DMD: variants seen among roughly 807,000 people sequenced by gnomAD.
The protein encoded by DMD is mutant dystrophin.
DMD carries 63 observed loss-of-function variants against 330.1 expected under a neutral mutation model. That is an observed-to-expected ratio of 0.19 (90% confidence interval 0.16 to 0.24). The LOEUF is 0.24. Among genes scored for constraint, DMD ranks in the 10% least tolerant of loss-of-function variants. The pLI is 1.00. For synonymous variants in DMD, 1,223 were observed against 959.8 expected, an observed-to-expected ratio of 1.27 and a Z score of -5.07; for missense variants, 3,344 against 2,684.1, an observed-to-expected ratio of 1.25 and a Z score of -5.43.
intron 37 of DMD, among the ~76,000 whole-genome samples, chrX:32,355,369 A>G (rs2097795449): frequency 9.0e-6 from 1 of 111,285 alleles, no homozygotes; most frequent in African/African-American, 3.3e-5. Context: ...ACAACCTCCT[A>G]TAAATATCTG....
intron 74 of DMD, among the ~76,000 whole-genome samples, chrX:31,162,897 G>A (rs765076572): frequency 9.2e-4 from 103 of 112,037 alleles, no homozygotes; most frequent in African/African-American, 3.2e-3. Flanking sequence ...GTTAGAAACT[G>A]AGTCTGTGAA....
chrX:32,715,883 A>G (rs1002007877), intron 7 of DMD, among the ~76,000 whole-genome samples: 4 of 111,882 alleles, frequency 3.6e-5, no homozygotes, highest in Middle Eastern at 9.2e-3. Context: ...CAAGACACAG[A>G]AAGAAAAATA....
In DMD at chrX:32,572,211, CA is replaced by C. The variant is rs777826111; in HGVS notation, c.1812+1318del. ...GTGAATCTATTTTAAATTAAAAGACCAATGAGGGTTAGCATTTATGGAGCAA... is the reference window on the plus strand; with the variant it reads ...GTGAATCTATTTTAAATTAAAAGACCATGAGGGTTAGCATTTATGGAGCAA... On this transcript the variant is annotated intron_variant, in intron 15 of 78. Coordinates refer to ENST00000357033, the MANE Select transcript of DMD (RefSeq NM_004006.3). Among the ~76,000 whole-genome samples the C allele has an allele frequency of 8.8e-4, 97 of 110,366 alleles. 1 individual carries two copies. The highest frequency in any genetic ancestry group is 3.7e-3 in the Admixed American group (38 of 10,204).
intron 13 of DMD, among the ~76,000 whole-genome samples, chrX:32,575,094 C>T (rs892298806): frequency 1.8e-5 from 2 of 110,422 alleles, no homozygotes; most frequent in Non-Finnish European, 3.8e-5. Context: ...CACGGGGTTT[C>T]GCCATCTTGG....
chrX:33,329,160 G>A (rs1317608868), intron 1 of DMD, among the ~76,000 whole-genome samples: 1 of 111,363 alleles, frequency 9.0e-6, no homozygotes, highest in Non-Finnish European at 1.9e-5. Flanking sequence ...ATCCACATGA[G>A]CAATAAACAC....
intron 55 of DMD, among the ~76,000 whole-genome samples, chrX:31,565,049 GT>G (rs1248877024): frequency 8.9e-6 from 1 of 112,143 alleles, no homozygotes; most frequent in Non-Finnish European, 1.9e-5. Flanking sequence ...TGTTTTATTT[GT>G]TTTTTGAAAT....
intron 2 of DMD, among the ~76,000 whole-genome samples, chrX:32,956,963 A>T (rs1027926529): frequency 8.9e-6 from 1 of 111,980 alleles, no homozygotes; most frequent in Non-Finnish European, 1.9e-5. Context: ...TTCTCATCAT[A>T]ATAAGAATAT....
At chrX:33,009,010 A>C (rs2093483329) in intron 2 of DMD, among the ~76,000 whole-genome samples, 1 of 99,167 alleles carries the variant, frequency 1.0e-5, no homozygotes, top group African/African-American at 3.6e-5. Flanking sequence ...ATATACACAC[A>C]TACACACGTA....
intron 2 of DMD, among the ~76,000 whole-genome samples, chrX:32,884,857 C>A (rs750466078): frequency 1.8e-5 from 2 of 112,088 alleles, no homozygotes; most frequent in Non-Finnish European, 3.8e-5. Context: ...GCCTTTACAT[C>A]TTCTCAGGAT....
At chrX:33,225,498 A>C (rs774362485) in intron 1 of DMD, among the ~76,000 whole-genome samples, 100 of 111,766 alleles carry the variant, frequency 8.9e-4, no homozygotes, top group African/African-American at 3.2e-3. Flanking sequence ...GAACAAGTGG[A>C]CAAAAATAAT....
intron 62 of DMD, among the ~76,000 whole-genome samples, chrX:31,306,763 CT>C (rs1234438178): frequency 9.0e-6 from 1 of 111,309 alleles, no homozygotes; most frequent in Non-Finnish European, 1.9e-5. Flanking sequence ...ACCTCAAGTA[CT>C]TTTTTTCTTC....
rs1262701193 is a variant in DMD at position 32,853,788 on chromosome X, AAAC to A, written c.94-3971_94-3969del. ...GTGACAGAAAAAAAAAAAAAAAAACAAACAACAACAACAACAACAAACACCAAG... is the reference window on the plus strand; with the variant it reads ...GTGACAGAAAAAAAAAAAAAAAAACAAACAACAACAACAACAAACACCAAG... On this transcript the variant is annotated intron_variant, in intron 2 of 78. Transcript: ENST00000357033. 1.7e-4 allele frequency among the ~76,000 whole-genome samples: 17 copies of A among 101,837 alleles called. 1 individual carries two copies. In the South Asian group the frequency reaches 2.2e-3, roughly 13 times the overall value. The allele number at this position is 101,837 out of a possible 115,157, so 88.4% of individuals were successfully genotyped here. A position where few individuals can be genotyped will look rare whatever the true frequency, so the allele number is the denominator to read the frequency against.
intron 54 of DMD, among the ~76,000 whole-genome samples, chrX:31,639,797 T>C (rs181515939): frequency 8.9e-6 from 1 of 111,856 alleles, no homozygotes; most frequent in Non-Finnish European, 1.9e-5. Context: ...GGGTATGTTG[T>C]CTACATATTT....
At chrX:31,880,439 A>G (rs1179556701) in intron 47 of DMD, among the ~76,000 whole-genome samples, 2 of 112,146 alleles carry the variant, frequency 1.8e-5, no homozygotes, top group East Asian at 2.8e-4. Flanking sequence ...TCTACTGGAA[A>G]ACTGGATAAA....
chrX:33,338,650 T>C (rs1461520212), intron 1 of DMD, among the ~76,000 whole-genome samples: 1 of 110,921 alleles, frequency 9.0e-6, no homozygotes, highest in Non-Finnish European at 1.9e-5. Flanking sequence ...AAAACGTGAA[T>C]ACAGTTCAAT....
At chrX:32,078,128 AG>A (rs1172730440) in intron 44 of DMD, among the ~76,000 whole-genome samples, 2 of 112,001 alleles carry the variant, frequency 1.8e-5, no homozygotes, top group Non-Finnish European at 1.9e-5. Flanking sequence ...TCCCCAAACT[AG>A]CATGTCCAAA....
At chrX:32,960,829 A>T (rs763462531) in intron 2 of DMD, among the ~76,000 whole-genome samples, 1 of 109,246 alleles carries the variant, frequency 9.2e-6, no homozygotes, top group African/African-American at 3.3e-5. Context: ...TGGTCTCAAA[A>T]GGTCACATCA....
intron 9 of DMD, among the ~76,000 whole-genome samples, chrX:32,669,420 G>A (rs752700568): frequency 4.5e-5 from 5 of 111,130 alleles, no homozygotes; most frequent in Non-Finnish European, 9.4e-5. Context: ...CTCTTAAATC[G>A]TACCTAACTA....
At chrX:32,485,622 CTA>C (rs1255995555) in intron 20 of DMD, among the ~76,000 whole-genome samples, 2 of 105,792 alleles carry the variant, frequency 1.9e-5, no homozygotes, top group African/African-American at 6.8e-5. Flanking sequence ...CATATAAAAT[CTA>C]TATAATACTT....
Sources: allele counts gnomAD v4.1 joint callset (sites outside exome capture counted in the v4.1 genomes callset), GRCh38; gene constraint gnomAD v4.1.1; transcripts MANE v1.5; gene names NCBI Gene and HGNC (gene_info 2026-07-23, HGNC 2026-07-21).